The following PKD1L3 variants were observed in gnomAD, a reference collection of about 807,000 sequenced individuals.
PKD1L3 encodes polycystin-1-like protein 3.
A neutral mutation model predicts 184.1 loss-of-function variants in PKD1L3; 239 were observed. The observed-to-expected ratio is 1.30, with a 90% CI of 1.17 to 1.45. PKD1L3 has a LOEUF of 1.45. Among genes scored for constraint, PKD1L3 ranks in the 40% most tolerant of loss-of-function variants. The probability of loss-of-function intolerance (pLI) is 0.00; values close to 1 mark genes in which losing one functional copy is unlikely to be tolerated. For synonymous variants in PKD1L3, 996 were observed against 778.8 expected, an observed-to-expected ratio of 1.28 and a Z score of -4.64; for missense variants, 2,660 against 2,067.2, an observed-to-expected ratio of 1.29 and a Z score of -5.56.
chr16:71,934,453 C>G (rs755457392), intron 26 of PKD1L3, among the ~76,000 whole-genome samples: 2 of 152,142 alleles, frequency 1.3e-5, no homozygotes, highest in Non-Finnish European at 2.9e-5. Context: ...TGAGCCAAAT[C>G]TCTCCTCTCA....
chr16:72,000,292 G>T lies in PKD1L3; in HGVS notation c.-314C>A, dbSNP rs1339670383. Among the ~76,000 whole-genome samples, 1 of 152,134 alleles carries T rather than the reference G, an allele frequency of 6.6e-6. No individual in the cohort carries two copies. Among genetic ancestry groups the T allele is most frequent in the African/African-American group, 2.4e-5 (1 of 41,412 alleles). ...TAAGCTGCACTGGGTAGAGGATGAT[G>T]AATATCTAACATCTAAGTTAGTGCT... is the stretch of plus-strand genomic sequence containing the variant. On this transcript the variant is annotated 5_prime_UTR_variant, in exon 1 of 30. Coordinates refer to ENST00000620267, the MANE Select transcript of PKD1L3 (RefSeq NM_181536.2).
intron 2 of PKD1L3, among the ~76,000 whole-genome samples, chr16:71,995,173 G>T (rs140449035): frequency 6.6e-6 from 1 of 152,094 alleles, no homozygotes; most frequent in East Asian, 1.9e-4. Context: ...CTGCAACCTC[G>T]TAAGGTGAAA....
At position 71,951,881 on chromosome 16, in the gene PKD1L3, C is replaced by T. The variant is rs989824862; in HGVS notation, c.3010-137G>A. 5.3e-6 allele frequency: 4 copies of T among 757,120 alleles called. No homozygotes were observed. In the African/African-American group the frequency reaches 7.1e-5, roughly 13 times the overall value. 46.9% of individuals were successfully genotyped at this position (757,120 alleles called of 1,614,324 possible). On this transcript the variant is annotated intron_variant, in intron 18 of 29. Coordinates refer to ENST00000620267, the MANE Select transcript of PKD1L3 (RefSeq NM_181536.2). ...ACAAAGAACCTCAATTTTTCATGTT[C>T]CTCTAATTTTTCAGAAAGCAGTCAC... is the stretch of plus-strand genomic sequence containing the variant.
chr16:71,952,952 T>G lies in PKD1L3; in HGVS notation c.2951A>C (p.Gln984Pro). 6.4e-7 allele frequency: 1 copy of G among 1,550,922 alleles called. No homozygotes were observed. Among genetic ancestry groups the G allele is most frequent in the Non-Finnish European group, 8.7e-7 (1 of 1,146,770 alleles). The stretch of plus-strand genomic sequence containing the variant: ...AGAAGCATCTGAGAGGCAGGAGGCC[T>G]GGATGGGAGGAAAGAGGGGCAGAGT... The part of the protein sequence containing the change: ...QETLPLFPPI[Q>P]ASCLSDASVE... The change falls in exon 18 of 30, where the codon CAG (glutamine) becomes CCG (proline). Residue 984 changes from glutamine to proline, a missense_variant. Gln to Pro is a moderately conservative substitution (Grantham distance 76). Coordinates refer to ENST00000620267, the MANE Select transcript of PKD1L3 (RefSeq NM_181536.2).
chr16:71,996,031 C>T (rs117280803), intron 2 of PKD1L3, among the ~76,000 whole-genome samples: 102 of 152,128 alleles, frequency 6.7e-4, no homozygotes, highest in Non-Finnish European at 1.4e-3. Context: ...TGTATACTTA[C>T]ATCAGTGCAT....
Position 71,982,277 on chromosome 16 carries a change from G to GTT in PKD1L3, c.967-43_967-42insAA. The GTT allele has an allele frequency of 1.9e-4, 134 of 690,136 alleles. No individual in the cohort carries two copies. The South Asian group carries it at 2.1e-3, about 11-fold the overall frequency. The allele number at this position is 690,136 out of a possible 1,614,324, so 42.8% of individuals were successfully genotyped here. On this transcript the variant is annotated intron_variant, in intron 6 of 29. Transcript: ENST00000620267. ...GCAAACATACACCCTTGAATTGTTT[G>GTT]CTTTTTTTTTTTTTTTTTTTTTTTG...
At chr16:71,967,857 C>T in intron 14 of PKD1L3, 49 bp downstream of exon 14, 1 of 1,427,260 alleles carries the variant, frequency 7.0e-7, no homozygotes, top group Non-Finnish European at 9.6e-7. Context: ...GAGTGTGTCT[C>T]ATGTGGCAGA....
chr16:71,933,588 G>T (rs1286959865), intron 27 of PKD1L3, 67 bp from the exon 28 acceptor site: 1 of 1,174,218 alleles, frequency 8.5e-7, no homozygotes, highest in Non-Finnish European at 1.2e-6. Context: ...GAGGTGCTTG[G>T]GGATGTGGCC....
chr16:71,937,158 C>G, intron 25 of PKD1L3, 134 bp downstream of exon 25: 1 of 867,606 alleles, frequency 1.2e-6, no homozygotes, highest in Non-Finnish European at 1.7e-6. Context: ...CAGGCTCAAG[C>G]AATTCTCACA....
At chr16:71,997,880 C>T (rs1015248630) in intron 2 of PKD1L3, among the ~76,000 whole-genome samples, 1 of 152,208 alleles carries the variant, frequency 6.6e-6, no homozygotes, top group East Asian at 1.9e-4. Flanking sequence ...GATAACAGCC[C>T]TCTCACCGTT....
At chr16:71,973,054 C>G (rs925642685) in intron 12 of PKD1L3, among the ~76,000 whole-genome samples, 8 of 152,216 alleles carry the variant, frequency 5.3e-5, no homozygotes, top group Non-Finnish European at 1.0e-4. Context: ...GGCTTCCACA[C>G]GCTATTTTAT....
Position 71,986,366 on chromosome 16 carries a change from G to A in PKD1L3, c.689C>T (p.Pro230Leu). The A allele has an allele frequency of 6.4e-7, 1 of 1,551,426 alleles. No homozygotes were observed. The highest frequency in any genetic ancestry group is 1.2e-5 in the South Asian group (1 of 84,060). The change falls in exon 5 of 30, where the codon CCT (proline) becomes CTT (leucine). Residue 230 changes from proline to leucine, a missense_variant. Physicochemically the swap from Pro to Leu is moderately conservative, Grantham distance 98 (BLOSUM62 -3). Coordinates refer to ENST00000620267, the MANE Select transcript of PKD1L3 (RefSeq NM_181536.2). The stretch of plus-strand genomic sequence containing the variant: ...GGGCATGGTGAGCTGTGTTATCACA[G>A]GGAGAGGCTGGCTGCTGGGTTCAGA... Reference protein sequence around the residue: ...AASEPSSQPLPVITQLTMPVS... With the variant: ...AASEPSSQPLLVITQLTMPVS...
Position 71,978,395 on chromosome 16 carries a change from G to A in PKD1L3, c.1399-12C>T. ...GCTAGTCCTGTTATCTAAAGACAAA[G>A]AGAAGCCCAGTTTTATCCATTGCTG... is the stretch of plus-strand genomic sequence containing the variant. On this transcript the variant is annotated splice_polypyrimidine_tract_variant and intron_variant, in intron 9 of 29. Coordinates refer to ENST00000620267, the MANE Select transcript of PKD1L3 (RefSeq NM_181536.2). 6.5e-7 allele frequency: 1 copy of A among 1,544,506 alleles called. No individual in the cohort carries two copies. The highest frequency in any genetic ancestry group is 2.5e-5 in the East Asian group (1 of 40,508).
In PKD1L3 at chr16:71,944,020, C is replaced by T. The variant is rs1349600774; in HGVS notation, c.3859+10G>A. The stretch of plus-strand genomic sequence containing the variant: ...TGTGTTATCAGTATGTTGCCATTTC[C>T]TCTCCATACCCAAAATATCTCCAGT... On this transcript the variant is annotated intron_variant, in intron 23 of 29. Coordinates refer to ENST00000620267, the MANE Select transcript of PKD1L3 (RefSeq NM_181536.2). 2 of 1,549,426 alleles carry T rather than the reference C, an allele frequency of 1.3e-6. No individual in the cohort carries two copies. The highest frequency in any genetic ancestry group is 2.0e-5 in the Admixed American group (1 of 50,082).
At chr16:71,981,353 G>A (rs1343107833) in intron 7 of PKD1L3, among the ~76,000 whole-genome samples, 1 of 152,068 alleles carries the variant, frequency 6.6e-6, no homozygotes, top group Non-Finnish European at 1.5e-5. Context: ...AATGGATAGG[G>A]TGGCAAGTTC....
At chr16:71,995,938 C>G (rs2040768911) in intron 2 of PKD1L3, among the ~76,000 whole-genome samples, 1 of 152,144 alleles carries the variant, frequency 6.6e-6, no homozygotes, top group Non-Finnish European at 1.5e-5. Flanking sequence ...TTATGCCAAT[C>G]TGATAGGTGG....
In PKD1L3 at chr16:71,982,147, G is replaced by A. The variant is rs1254655322; in HGVS notation, c.1055C>T (p.Pro352Leu). The change falls in exon 7 of 30, where the codon CCT becomes CTT. Residue 352 changes from proline (P) to leucine (L), a missense_variant. By Grantham distance (98) the Pro-to-Leu change is moderately conservative. Transcript: ENST00000620267. ...GGAATGAAAGGGGCAGACAGTTGGA[G>A]GAACTTTGAAGCCCAGACTGTTGTT... ...QNNNSLGFKV[P>L]PTVCPFHSLN... 1.9e-6 allele frequency: 3 copies of A among 1,551,914 alleles called. No individual in the cohort carries two copies. The highest frequency in any genetic ancestry group is 1.7e-6 in the Non-Finnish European group (2 of 1,146,990).
At chr16:71,962,834 C>A (rs919784408) in intron 16 of PKD1L3, among the ~76,000 whole-genome samples, 2 of 152,016 alleles carry the variant, frequency 1.3e-5, no homozygotes, top group Admixed American at 1.3e-4. Flanking sequence ...TAATACTTTC[C>A]TTTATTTTTA....
intron 7 of PKD1L3, 90 bp downstream of exon 7, chr16:71,981,969 T>C: frequency 7.7e-7 from 1 of 1,293,174 alleles, no homozygotes; most frequent in Non-Finnish European, 1.0e-6. Context: ...AGATTATCTT[T>C]AAAGGTCTGG....
Sources: allele counts gnomAD v4.1 joint callset (sites outside exome capture counted in the v4.1 genomes callset), GRCh38; gene constraint gnomAD v4.1.1; transcripts MANE v1.5; gene names NCBI Gene and HGNC (gene_info 2026-07-23, HGNC 2026-07-21).